The following NELL2 variants were observed in gnomAD, a reference collection of about 807,000 sequenced individuals.
NELL2 encodes the protein neural EGFL like 2.
A neutral mutation model predicts 109.6 loss-of-function variants in NELL2; 41 were observed. That is an observed-to-expected ratio of 0.37 (90% CI 0.29 to 0.49). The LOEUF (loss-of-function observed/expected upper bound fraction) is 0.49, where lower values mean the gene tolerates loss of function less well. Among genes scored for constraint, NELL2 ranks in the 20% least tolerant of loss-of-function variants. The pLI is 0.98. For missense variants in NELL2, 900 were observed against 1,008.3 expected (o/e 0.89, Z 1.45); for synonymous variants, 355 against 344.7 (o/e 1.03, Z -0.33).
At chr12:44,883,686 G>T (rs940155447) in intron 1 of NELL2, among the ~76,000 whole-genome samples, 2 of 151,928 alleles carry the variant, frequency 1.3e-5, no homozygotes, top group African/African-American at 4.8e-5. Context: ...AAAGATATGA[G>T]AATAAAGGGA....
chr12:44,657,096 A>G (rs1947531028), intron 13 of NELL2, among the ~76,000 whole-genome samples: 1 of 152,196 alleles, frequency 6.6e-6, no homozygotes, highest in Non-Finnish European at 1.5e-5. Context: ...TCAGCAGCAA[A>G]TTCTTTTCTG....
intron 2 of NELL2, among the ~76,000 whole-genome samples, chr12:44,854,725 T>G (rs374765144): frequency 6.6e-6 from 1 of 151,610 alleles, no homozygotes; most frequent in African/African-American, 2.4e-5. Flanking sequence ...GGTGGATGGA[T>G]GGATGGATGG....
chr12:44,782,249 C>G (rs1941990109), intron 3 of NELL2, among the ~76,000 whole-genome samples: 1 of 151,506 alleles, frequency 6.6e-6, no homozygotes, highest in Non-Finnish European at 1.5e-5. Flanking sequence ...CTACAGCAAC[C>G]ACTTACAAAG....
At chr12:44,544,242 A>G (rs2139038385) in intron 15 of NELL2, among the ~76,000 whole-genome samples, 1 of 152,288 alleles carries the variant, frequency 6.6e-6, no homozygotes, top group East Asian at 1.9e-4. Flanking sequence ...AGGTGATGGT[A>G]TAACAGAGAT....
At chr12:44,777,373 A>G in intron 5 of NELL2, 59 bp from the exon 6 acceptor site, 1 of 1,359,982 alleles carries the variant, frequency 7.4e-7, no homozygotes, top group East Asian at 2.3e-5. Context: ...AATTATGTTC[A>G]ATGGTCAAGT....
At chr12:44,839,578 G>A (rs1944158368) in intron 2 of NELL2, among the ~76,000 whole-genome samples, 1 of 152,182 alleles carries the variant, frequency 6.6e-6, no homozygotes, top group South Asian at 2.1e-4. Flanking sequence ...TCAGTTTTAT[G>A]CAGAAATACT....
intron 13 of NELL2, among the ~76,000 whole-genome samples, chr12:44,612,464 T>C (rs1945656859): frequency 6.6e-6 from 1 of 151,742 alleles, no homozygotes. Flanking sequence ...CCCAAAATTG[T>C]ACAAAATTCC....
chr12:44,842,615 C>T (rs367933624), intron 2 of NELL2, among the ~76,000 whole-genome samples: 9 of 152,170 alleles, frequency 5.9e-5, no homozygotes, highest in African/African-American at 2.2e-4. Flanking sequence ...TGGAAAACTT[C>T]TCTTCATCAA....
intron 3 of NELL2, among the ~76,000 whole-genome samples, chr12:44,802,316 A>G (rs1942859292): frequency 6.6e-6 from 1 of 152,140 alleles, no homozygotes; most frequent in African/African-American, 2.4e-5. Flanking sequence ...TATTGAAAAA[A>G]CAAGGCTCCA....
At chr12:44,733,755 GGGAA>G (rs1304614965) in intron 9 of NELL2, among the ~76,000 whole-genome samples, 1 of 151,756 alleles carries the variant, frequency 6.6e-6, no homozygotes, top group Non-Finnish European at 1.5e-5. Flanking sequence ...CAAGGAAGTA[GGGAA>G]GGAAGGGAGG....
intron 19 of NELL2, among the ~76,000 whole-genome samples, chr12:44,514,741 C>A (rs1287732660): frequency 1.3e-5 from 2 of 151,192 alleles, no homozygotes; most frequent in Non-Finnish European, 3.0e-5. Context: ...TACCATTTTT[C>A]TTTTCTTAAT....
intron 13 of NELL2, among the ~76,000 whole-genome samples, chr12:44,633,809 A>G (rs1400958739): frequency 2.0e-5 from 3 of 152,128 alleles, no homozygotes; most frequent in African/African-American, 7.2e-5. Flanking sequence ...GTGAAACAAC[A>G]TATTTTGGAA....
At chr12:44,540,110 A>G (rs1592089176) in intron 15 of NELL2, among the ~76,000 whole-genome samples, 1 of 152,222 alleles carries the variant, frequency 6.6e-6, no homozygotes, top group East Asian at 1.9e-4. Context: ...ACTTTTATAT[A>G]CCTGTTTAAT....
intron 1 of NELL2, chr12:44,881,638 G>A (rs1592701093): frequency 6.6e-6 from 1 of 152,058 alleles, no homozygotes; most frequent in East Asian, 1.9e-4. Flanking sequence ...ATAGTCACAG[G>A]AACCTGTGGG....
At chr12:44,650,299 ATTT>A (rs10572082) in intron 13 of NELL2, among the ~76,000 whole-genome samples, 18,904 of 142,936 alleles carry the variant, frequency 0.13, 1,400 homozygotes, top group East Asian at 0.23. Flanking sequence ...CCACCCCCCA[ATTT>A]TTTTTTTTTT....
intron 2 of NELL2, among the ~76,000 whole-genome samples, chr12:44,859,886 T>C (rs1231512059): frequency 1.3e-5 from 2 of 152,176 alleles, no homozygotes; most frequent in Admixed American, 1.3e-4. Flanking sequence ...CCTTGTACTT[T>C]TCAGAGGGGT....
intron 2 of NELL2, among the ~76,000 whole-genome samples, chr12:44,850,665 TTTA>T (rs1944507240): frequency 6.6e-6 from 1 of 152,094 alleles, no homozygotes; most frequent in African/African-American, 2.4e-5. Flanking sequence ...ATAAAGTAAG[TTTA>T]TGAAACTAAA....
At chr12:44,616,029 T>C (rs1386969039) in intron 13 of NELL2, among the ~76,000 whole-genome samples, 2 of 152,092 alleles carry the variant, frequency 1.3e-5, no homozygotes, top group Non-Finnish European at 2.9e-5. Flanking sequence ...AATAGACACC[T>C]CCAATGTCTG....
chr12:44,905,001 C>G (rs1323154741), intron 1 of NELL2, among the ~76,000 whole-genome samples: 1 of 151,934 alleles, frequency 6.6e-6, no homozygotes, highest in African/African-American at 2.4e-5. Flanking sequence ...ACCTGAACAC[C>G]AATGACTGGA....
Sources: allele counts gnomAD v4.1 joint callset (sites outside exome capture counted in the v4.1 genomes callset), GRCh38; gene constraint gnomAD v4.1.1; transcripts MANE v1.5; gene names NCBI Gene and HGNC (gene_info 2026-07-23, HGNC 2026-07-21).